Variants in TPRG1 observed in about 807,000 individuals in gnomAD.
TPRG1 encodes tumor protein p63 regulated 1, also known as tumor protein p63-regulated gene 1 protein.
A neutral mutation model predicts 29.3 loss-of-function variants in TPRG1; 29 were observed. The observed-to-expected ratio is 0.99, with a 90% CI of 0.74 to 1.35. TPRG1 has a LOEUF of 1.35. Among genes scored for constraint, TPRG1 ranks in the 40% most tolerant of loss-of-function variants. The pLI is 0.00. For missense variants in TPRG1, 327 were observed against 335.0 expected (o/e 0.98, Z 0.19); for synonymous variants, 130 against 116.8 (o/e 1.11, Z -0.73).
chr3:189,284,308 G>A (rs543748180), intron 4 of TPRG1, among the ~76,000 whole-genome samples: 4 of 150,430 alleles, frequency 2.7e-5, no homozygotes, highest in African/African-American at 9.8e-5. Context: ...CCATTAACCT[G>A]TCATTTAACA....
At chr3:189,256,345 A>G (rs914413583) in intron 4 of TPRG1, among the ~76,000 whole-genome samples, 1 of 152,144 alleles carries the variant, frequency 6.6e-6, no homozygotes, top group East Asian at 1.9e-4. Context: ...ATTAATCCTG[A>G]GTTCTAATTT....
At position 189,094,267 on chromosome 3, in the gene TPRG1, A is replaced by G. The variant is rs560947589; in HGVS notation, c.-462-32790A>G. ...GGCCTCACTCAGCCTGAGTAAGTGGAGTACTGAACAGACATTGTGAAGGAG... is the reference window on the plus strand; with the variant it reads ...GGCCTCACTCAGCCTGAGTAAGTGGGGTACTGAACAGACATTGTGAAGGAG... On this transcript the variant is annotated intron_variant, in intron 4 of 10. Coordinates refer to the TPRG1 transcript ENST00000433971. 9.8e-5 allele frequency among the ~76,000 whole-genome samples: 15 copies of G among 152,316 alleles called. 1 individual carries two copies. In the East Asian group the frequency reaches 2.3e-3, roughly 24 times the overall value.
intron 4 of TPRG1, among the ~76,000 whole-genome samples, chr3:189,301,627 CT>C (rs1378361816): frequency 6.6e-6 from 1 of 152,078 alleles, no homozygotes; most frequent in African/African-American, 2.4e-5. Flanking sequence ...ATTTTATCCT[CT>C]TTTGTGTTTG....
chr3:189,158,258 T>G (rs779706125), intron 5 of TPRG1, among the ~76,000 whole-genome samples: 1 of 152,208 alleles, frequency 6.6e-6, no homozygotes, highest in Non-Finnish European at 1.5e-5. Flanking sequence ...GTTTCACTAT[T>G]ATTCTCTTTA....
chr3:189,200,585 C>T (rs1457259108), intron 1 of TPRG1, among the ~76,000 whole-genome samples: 2 of 152,218 alleles, frequency 1.3e-5, no homozygotes, highest in Non-Finnish European at 2.9e-5. Flanking sequence ...ATCTTCCTTC[C>T]TATTCCCATC....
At chr3:189,221,810 G>A (rs1166742559) in intron 3 of TPRG1, among the ~76,000 whole-genome samples, 3 of 152,180 alleles carry the variant, frequency 2.0e-5, no homozygotes, top group African/African-American at 7.2e-5. Flanking sequence ...GAGAAGGCAG[G>A]GAGGGACTAT....
intron 1 of TPRG1, among the ~76,000 whole-genome samples, chr3:189,102,291 T>C (rs996514067): frequency 1.3e-5 from 2 of 152,224 alleles, no homozygotes; most frequent in Admixed American, 6.5e-5. Context: ...AGCAAATGTA[T>C]ATAAAAAGCT....
At chr3:189,024,397 C>T (rs939895252) in intron 4 of TPRG1, among the ~76,000 whole-genome samples, 3 of 151,960 alleles carry the variant, frequency 2.0e-5, no homozygotes, top group Non-Finnish European at 4.4e-5. Context: ...AGTAGCCTGC[C>T]CCTCTCCCAG....
chr3:189,206,629 T>C (rs571458975), intron 1 of TPRG1, among the ~76,000 whole-genome samples: 1 of 151,850 alleles, frequency 6.6e-6, no homozygotes, highest in African/African-American at 2.4e-5. Context: ...GCCTACCGAG[T>C]AGCTGAGACT....
chr3:189,303,730 A>G (rs1721195109), intron 4 of TPRG1, among the ~76,000 whole-genome samples: 1 of 152,224 alleles, frequency 6.6e-6, no homozygotes. Context: ...TTATTTCAGC[A>G]TAAATATTTA....
chr3:189,012,402 T>C (rs1157564286), intron 3 of TPRG1, among the ~76,000 whole-genome samples: 1 of 152,128 alleles, frequency 6.6e-6, no homozygotes, highest in East Asian at 1.9e-4. Flanking sequence ...GGTTTTTGTC[T>C]TTAAGTATGT....
chr3:189,319,145 T>G (rs1723993874), intron 5 of TPRG1, among the ~76,000 whole-genome samples: 2 of 152,166 alleles, frequency 1.3e-5, no homozygotes, highest in South Asian at 4.1e-4. Context: ...CTGTCCCATA[T>G]CCTATCATGT....
intron 4 of TPRG1, among the ~76,000 whole-genome samples, chr3:189,030,423 C>A (rs1328832799): frequency 6.6e-6 from 1 of 152,188 alleles, no homozygotes; most frequent in African/African-American, 2.4e-5. Flanking sequence ...CCTCTGGAAT[C>A]AAAAATCAAA....
At chr3:189,240,749 G>A (rs539689187) in intron 4 of TPRG1, among the ~76,000 whole-genome samples, 24 of 152,112 alleles carry the variant, frequency 1.6e-4, no homozygotes, top group Non-Finnish European at 3.1e-4. Flanking sequence ...ATTTGGGTGG[G>A]GACATAGTCA....
chr3:189,124,548 G>A (rs965812837), intron 1 of TPRG1, among the ~76,000 whole-genome samples: 1 of 151,674 alleles, frequency 6.6e-6, no homozygotes, highest in African/African-American at 2.4e-5. Flanking sequence ...CTTTGTGTGT[G>A]TGTGTGTGTA....
At chr3:189,218,861 C>A (rs1469600054) in intron 3 of TPRG1, among the ~76,000 whole-genome samples, 1 of 152,084 alleles carries the variant, frequency 6.6e-6, no homozygotes, top group East Asian at 1.9e-4. Context: ...CATATTTGAT[C>A]AACTCCTAGA....
intron 4 of TPRG1, among the ~76,000 whole-genome samples, chr3:189,305,611 T>G (rs1721503299): frequency 1.3e-5 from 2 of 152,368 alleles, no homozygotes; most frequent in South Asian, 2.1e-4. Context: ...TCTTCTATCC[T>G]GCCAACAACG....
At chr3:189,077,722 T>C (rs993349653) in intron 4 of TPRG1, among the ~76,000 whole-genome samples, 1 of 152,198 alleles carries the variant, frequency 6.6e-6, no homozygotes. Flanking sequence ...TATTCACACT[T>C]CACACCTTTT....
intron 4 of TPRG1, among the ~76,000 whole-genome samples, chr3:189,029,913 C>G (rs1356420740): frequency 6.6e-6 from 1 of 152,128 alleles, no homozygotes; most frequent in Non-Finnish European, 1.5e-5. Context: ...TTCCTGAGGC[C>G]GCACCATAAG....
Sources: allele counts gnomAD v4.1 joint callset (sites outside exome capture counted in the v4.1 genomes callset), GRCh38; gene constraint gnomAD v4.1.1; transcripts MANE v1.5; gene names NCBI Gene and HGNC (gene_info 2026-07-23, HGNC 2026-07-21).